CNIH3: variants seen among roughly 807,000 people sequenced by gnomAD.
The protein encoded by CNIH3 is protein cornichon homolog 3.
A neutral mutation model predicts 24.1 loss-of-function variants in CNIH3; 14 were observed. The observed-to-expected ratio is 0.58, with a 90% CI of 0.38 to 0.91. CNIH3 has a LOEUF of 0.91. Among genes scored for constraint, CNIH3 ranks in the 40% least tolerant of loss-of-function variants. The pLI, the probability that CNIH3 is intolerant of heterozygous loss-of-function variation, is 0.00. For missense variants in CNIH3, 178 were observed against 196.8 expected, an observed-to-expected ratio of 0.90 and a Z score of 0.57; for synonymous variants, 68 against 73.8, an observed-to-expected ratio of 0.92 and a Z score of 0.40.
intron 1 of CNIH3, among the ~76,000 whole-genome samples, chr1:224,516,482 A>G (rs996981752): frequency 6.6e-6 from 1 of 152,126 alleles, no homozygotes; most frequent in Admixed American, 6.5e-5. Flanking sequence ...CAGGTATGGC[A>G]TCTTATTCAT....
At chr1:224,448,821 A>G (rs1675268262) in intron 1 of CNIH3, among the ~76,000 whole-genome samples, 1 of 152,188 alleles carries the variant, frequency 6.6e-6, no homozygotes, top group Middle Eastern at 3.2e-3. Flanking sequence ...GAGCTCATGC[A>G]AGCAAGCCAA....
intron 2 of CNIH3, among the ~76,000 whole-genome samples, chr1:224,530,001 A>G (rs960417395): frequency 6.6e-6 from 1 of 152,180 alleles, no homozygotes; most frequent in Non-Finnish European, 1.5e-5. Context: ...CTTGCTATGT[A>G]CTGGCATTGC....
chr1:224,452,530 C>T (rs1041757844), intron 1 of CNIH3, among the ~76,000 whole-genome samples: 2 of 151,752 alleles, frequency 1.3e-5, no homozygotes, highest in Admixed American at 6.6e-5. Context: ...ACCTGTAATC[C>T]CAGCACTTTG....
chr1:224,484,171 C>CAAAAAAAAAAAAAAAAA (rs35380158), intron 1 of CNIH3, among the ~76,000 whole-genome samples: 2 of 140,490 alleles, frequency 1.4e-5, no homozygotes, highest in African/African-American at 5.4e-5. Context: ...AACTCTGTCT[C>CAAAAAAAAAAAAAAAAA]AAAAAAAAAA....
intron 3 of CNIH3, among the ~76,000 whole-genome samples, chr1:224,722,841 G>A: frequency 6.6e-6 from 1 of 152,332 alleles, no homozygotes; most frequent in East Asian, 1.9e-4. Context: ...GTCACCTCCT[G>A]CCTTGGTTTC....
At chr1:224,644,797 C>T (rs757375435) in intron 1 of CNIH3, among the ~76,000 whole-genome samples, 6 of 152,226 alleles carry the variant, frequency 3.9e-5, no homozygotes, top group Non-Finnish European at 8.8e-5. Flanking sequence ...GTTCAAAGGT[C>T]TTCTGAGATA....
chr1:224,629,893 A>C (rs932952611), intron 1 of CNIH3, among the ~76,000 whole-genome samples: 1 of 152,098 alleles, frequency 6.6e-6, no homozygotes, highest in Non-Finnish European at 1.5e-5. Context: ...CATTTCTTAG[A>C]AACTTCACGT....
intron 1 of CNIH3, among the ~76,000 whole-genome samples, chr1:224,501,807 C>T (rs1677683779): frequency 6.6e-6 from 1 of 152,094 alleles, no homozygotes; most frequent in African/African-American, 2.4e-5. Context: ...TCTCAAACTC[C>T]TGAGCTCAGG....
intron 3 of CNIH3, among the ~76,000 whole-genome samples, chr1:224,551,445 T>C (rs1442043588): frequency 2.0e-5 from 3 of 152,162 alleles, no homozygotes; most frequent in Non-Finnish European, 4.4e-5. Flanking sequence ...AGCAGAGCGA[T>C]GATATTTCGT....
intron 3 of CNIH3, among the ~76,000 whole-genome samples, chr1:224,689,466 G>A (rs764078738): frequency 2.6e-5 from 4 of 152,170 alleles, no homozygotes; most frequent in Non-Finnish European, 4.4e-5. Flanking sequence ...GGTTAGTGCC[G>A]TTTAGTGTTT....
chr1:224,669,471 A>G (rs1446277595), intron 1 of CNIH3, among the ~76,000 whole-genome samples: 2 of 152,156 alleles, frequency 1.3e-5, no homozygotes, highest in African/African-American at 4.8e-5. Flanking sequence ...AGGATGGGCC[A>G]TGCTGGCTTT....
At chr1:224,480,269 C>T (rs1355982050) in intron 1 of CNIH3, among the ~76,000 whole-genome samples, 1 of 152,200 alleles carries the variant, frequency 6.6e-6, no homozygotes, top group Non-Finnish European at 1.5e-5. Context: ...CCCTAGACCG[C>T]ACACAGCACG....
At position 224,691,633 on chromosome 1, in the gene CNIH3, T is replaced by G. The variant is rs571552563; in HGVS notation, c.198+6790T>G. On this transcript the variant is annotated intron_variant, in intron 3 of 5. Transcript: ENST00000272133. ...TGTGGGAGCAAGTATAAATGGTTAT[T>G]GTTTTAAGGCACTGTATTTTGGAAT... Among the ~76,000 whole-genome samples the G allele has an allele frequency of 5.3e-5, 8 of 152,318 alleles. No homozygotes were observed. The South Asian group carries it at 1.7e-3, about 32-fold the overall frequency.
At chr1:224,474,854 C>T (rs955891160) in intron 1 of CNIH3, among the ~76,000 whole-genome samples, 3 of 145,004 alleles carry the variant, frequency 2.1e-5, no homozygotes, top group Non-Finnish European at 4.5e-5. Flanking sequence ...GGTGAAACCC[C>T]GTCTCTACTA....
chr1:224,575,783 G>A (rs959557378), intron 4 of CNIH3, among the ~76,000 whole-genome samples: 1 of 151,044 alleles, frequency 6.6e-6, no homozygotes, highest in African/African-American at 2.4e-5. Flanking sequence ...GAAAAATTAC[G>A]AAGATCTATA....
chr1:224,608,517 G>C (rs995156448), intron 3 of CNIH3, among the ~76,000 whole-genome samples: 1 of 152,160 alleles, frequency 6.6e-6, no homozygotes, highest in Non-Finnish European at 1.5e-5. Flanking sequence ...GCATGCACTG[G>C]TAATCAGAAC....
intron 3 of CNIH3, among the ~76,000 whole-genome samples, chr1:224,699,660 A>C (rs1356551308): frequency 6.6e-6 from 1 of 152,160 alleles, no homozygotes; most frequent in African/African-American, 2.4e-5. Context: ...GACAGCAATA[A>C]TTTAAGCATA....
At chr1:224,529,224 C>T in intron 2 of CNIH3, 1 of 152,252 alleles carries the variant, frequency 6.6e-6, no homozygotes, top group Middle Eastern at 3.2e-3. Flanking sequence ...TTGTGTTACA[C>T]TGGTATCCAG....
At chr1:224,685,349 C>A (rs1050223044) in intron 3 of CNIH3, among the ~76,000 whole-genome samples, 2 of 152,196 alleles carry the variant, frequency 1.3e-5, no homozygotes, top group African/African-American at 2.4e-5. Context: ...TCACGTCATT[C>A]AGAGAGTTGC....
Sources: gnomAD v4.1 joint callset for allele counts (sites outside exome capture counted in the v4.1 genomes callset) on GRCh38, gnomAD v4.1.1 for gene constraint, MANE v1.5 for transcripts, NCBI Gene and HGNC (gene_info 2026-07-23, HGNC 2026-07-21) for gene names.